Variants in PPARGC1A observed in about 807,000 individuals in gnomAD.
The protein encoded by PPARGC1A is peroxisome proliferator-activated receptor gamma coactivator 1-alpha.
PPARGC1A carries 25 observed loss-of-function variants against 88.7 expected under a neutral mutation model. The observed-to-expected ratio is 0.28, with a 90% CI of 0.21 to 0.39. The LOEUF is 0.39. Among genes scored for constraint, PPARGC1A ranks in the 10% least tolerant of loss-of-function variants. The probability of loss-of-function intolerance (pLI) is 1.00; values close to 1 mark genes in which losing one functional copy is unlikely to be tolerated. For synonymous variants in PPARGC1A, 363 were observed against 355.6 expected (o/e 1.02, Z -0.24); for missense variants, 880 against 968.7 (o/e 0.91, Z 1.22).
the PPARGC1A span, among the ~76,000 whole-genome samples, chr4:24,236,386 C>G: frequency 1.2e-4 from 18 of 152,140 alleles, no homozygotes; most frequent in Non-Finnish European, 2.6e-4. Flanking sequence ...CTCCCTTTAT[C>G]TTGAAGACAG....
At chr4:24,150,995 C>T in the PPARGC1A span, among the ~76,000 whole-genome samples, 5 of 152,188 alleles carry the variant, frequency 3.3e-5, no homozygotes, top group Non-Finnish European at 7.3e-5. Context: ...ACGTGTGATT[C>T]CCCAGTTCTG....
intron 7 of PPARGC1A, among the ~76,000 whole-genome samples, chr4:23,817,848 T>C (rs1722258053): frequency 6.6e-6 from 1 of 152,156 alleles, no homozygotes; most frequent in Non-Finnish European, 1.5e-5. Flanking sequence ...CCAGATACAG[T>C]TGAGACCCAA....
chr4:24,127,305 T>C, the PPARGC1A span, among the ~76,000 whole-genome samples: 1 of 152,126 alleles, frequency 6.6e-6, no homozygotes, highest in Non-Finnish European at 1.5e-5. Context: ...ACTTAGAAAG[T>C]TGAACTAATA....
the PPARGC1A span, among the ~76,000 whole-genome samples, chr4:24,319,659 G>A: frequency 6.6e-6 from 1 of 152,194 alleles, no homozygotes; most frequent in African/African-American, 2.4e-5. Context: ...GTAGCTTAGT[G>A]AGCTTTACTT....
At chr4:24,154,625 G>A in the PPARGC1A span, among the ~76,000 whole-genome samples, 1 of 152,140 alleles carries the variant, frequency 6.6e-6, no homozygotes, top group Non-Finnish European at 1.5e-5. Context: ...TGAAGCGCAT[G>A]TCCCGTTCCC....
At chr4:23,845,201 A>G (rs2148636249) in intron 2 of PPARGC1A, among the ~76,000 whole-genome samples, 1 of 152,204 alleles carries the variant, frequency 6.6e-6, no homozygotes, top group East Asian at 1.9e-4. Flanking sequence ...AGCAGACTAC[A>G]TTAACCCTAG....
chr4:24,026,471 C>T, the PPARGC1A span, among the ~76,000 whole-genome samples: 7 of 152,174 alleles, frequency 4.6e-5, no homozygotes, highest in South Asian at 1.5e-3. Flanking sequence ...AAAGAGTATG[C>T]ATAATCATTT....
chr4:23,971,489 G>T, the PPARGC1A span, among the ~76,000 whole-genome samples: 6 of 152,138 alleles, frequency 3.9e-5, no homozygotes, highest in Non-Finnish European at 8.8e-5. Context: ...CCCACAATAG[G>T]CCGTCTGCAG....
At chr4:24,317,955 C>T in the PPARGC1A span, among the ~76,000 whole-genome samples, 3 of 152,234 alleles carry the variant, frequency 2.0e-5, no homozygotes, top group Admixed American at 1.3e-4. Flanking sequence ...GCTATTAAGG[C>T]CAGGCAGGCA....
the PPARGC1A span, among the ~76,000 whole-genome samples, chr4:24,271,374 T>C: frequency 4.6e-5 from 3 of 64,906 alleles, no homozygotes; most frequent in Non-Finnish European, 9.4e-5. Flanking sequence ...GATTAAATCC[T>C]TGTCCTTTTA....
At chr4:24,139,565 A>G in the PPARGC1A span, among the ~76,000 whole-genome samples, 3 of 152,168 alleles carry the variant, frequency 2.0e-5, no homozygotes, top group Admixed American at 2.0e-4. Flanking sequence ...TTGATGCCAT[A>G]TCATCCAAAT....
chr4:24,077,624 GGTGTGT>G, the PPARGC1A span, among the ~76,000 whole-genome samples: 3,460 of 130,898 alleles, frequency 0.026, 59 homozygotes, highest in East Asian at 0.06. Flanking sequence ...TGTGTCTAGG[GGTGTGT>G]GTGTGTGTGT....
the PPARGC1A span, among the ~76,000 whole-genome samples, chr4:24,158,874 C>T: frequency 6.6e-6 from 1 of 152,072 alleles, no homozygotes; most frequent in East Asian, 1.9e-4. Context: ...GTTATATAAC[C>T]TAGAATATAT....
the PPARGC1A span, among the ~76,000 whole-genome samples, chr4:23,984,568 T>C: frequency 5.3e-5 from 8 of 152,202 alleles, no homozygotes; most frequent in East Asian, 1.5e-3. Flanking sequence ...AAAAAAAGTC[T>C]TAGGGAATAA....
chr4:24,257,207 C>G, the PPARGC1A span, among the ~76,000 whole-genome samples: 1 of 152,042 alleles, frequency 6.6e-6, no homozygotes, highest in Non-Finnish European at 1.5e-5. Flanking sequence ...TTCTCAGGCT[C>G]CAGTCAGGTG....
chr4:23,934,687 C>CA, the PPARGC1A span, among the ~76,000 whole-genome samples: 2 of 152,144 alleles, frequency 1.3e-5, no homozygotes, highest in Admixed American at 6.5e-5. Context: ...GTTACATTTG[C>CA]AAAAAACCCA....
In PPARGC1A at chr4:23,795,359, G is replaced by A. The variant is rs1219172377; in HGVS notation, c.*463C>T. 1.4e-5 allele frequency: 2 copies of A among 143,338 alleles called. No individual in the cohort carries two copies. The highest frequency in any genetic ancestry group is 2.6e-5 in the African/African-American group (1 of 38,512). 8.9% of individuals were successfully genotyped at this position (143,338 alleles called of 1,614,324 possible). A position where few individuals can be genotyped will look rare whatever the true frequency, so the allele number is the denominator to read the frequency against. ...CTTTTGAATAGAATACGAACATTTTGAAGTTCTAGGTTTTAAGCGTGTCTT... is the reference window on the plus strand; with the variant it reads ...CTTTTGAATAGAATACGAACATTTTAAAGTTCTAGGTTTTAAGCGTGTCTT... On this transcript the variant is annotated 3_prime_UTR_variant, in exon 13 of 13. Transcript: ENST00000264867.
the PPARGC1A span, among the ~76,000 whole-genome samples, chr4:24,326,591 C>T: frequency 6.6e-6 from 1 of 152,178 alleles, no homozygotes; most frequent in Admixed American, 6.5e-5. Context: ...CACAGACAGC[C>T]CCCATTACTT....
the PPARGC1A span, among the ~76,000 whole-genome samples, chr4:24,059,338 A>C: frequency 6.6e-6 from 1 of 152,138 alleles, no homozygotes; most frequent in Non-Finnish European, 1.5e-5. Context: ...AATCCACCCA[A>C]AGTATCATTT....
Sources: gnomAD v4.1 joint callset for allele counts (sites outside exome capture counted in the v4.1 genomes callset) on GRCh38, gnomAD v4.1.1 for gene constraint, MANE v1.5 for transcripts, NCBI Gene and HGNC (gene_info 2026-07-23, HGNC 2026-07-21) for gene names.